Variants in SATB1 observed in about 807,000 individuals in gnomAD.
SATB1 encodes DNA-binding protein SATB1.
A neutral mutation model predicts 86.9 loss-of-function variants in SATB1; 11 were observed. The ratio of observed to expected loss-of-function variants is 0.13; its 90% CI spans 0.08 to 0.21. The LOEUF is 0.21. Among genes scored for constraint, SATB1 ranks in the 10% least tolerant of loss-of-function variants. SATB1 has a pLI of 1.00. For synonymous variants in SATB1, 357 were observed against 357.2 expected (o/e 1.00, Z 0.01); for missense variants, 551 against 937.6 (o/e 0.59, Z 5.39).
intron 2 of SATB1, chr3:18,417,729 T>C (rs1227166746): frequency 2.9e-6 from 2 of 692,604 alleles, no homozygotes; most frequent in Non-Finnish European, 2.6e-6. Flanking sequence ...AACATTTGCT[T>C]TTATGAATAC....
chr3:18,396,288 T>TA (rs202159712), intron 6 of SATB1, among the ~76,000 whole-genome samples: 6 of 151,408 alleles, frequency 4.0e-5, no homozygotes, highest in African/African-American at 1.2e-4. Flanking sequence ...CTTAAAAAAT[T>TA]AAAAAAAAAT....
chr3:18,411,260 A>ATG (rs1254648397), intron 5 of SATB1, among the ~76,000 whole-genome samples: 1 of 152,026 alleles, frequency 6.6e-6, no homozygotes, highest in African/African-American at 2.4e-5. Context: ...GAAAGTTGTG[A>ATG]TGTGTGTGTG....
rs1286885792 is a variant in SATB1 at position 18,416,143 on chromosome 3, A to T, written c.389-10T>A. 6.3e-7 allele frequency: 1 copy of T among 1,591,582 alleles called. No homozygotes were observed. On this transcript the variant is annotated splice_polypyrimidine_tract_variant and intron_variant, in intron 3 of 10. Coordinates refer to ENST00000338745, the MANE Select transcript of SATB1 (RefSeq NM_002971.6). ...CCAACCTGGATTAGCCCTATTTCAG[A>T]TAAAGAGAATATGTCACTAAATATT... is the stretch of plus-strand genomic sequence containing the variant.
chr3:18,426,118 G>A (rs1698691703), upstream of SATB1, among the ~76,000 whole-genome samples: 1 of 152,140 alleles, frequency 6.6e-6, no homozygotes, highest in African/African-American at 2.4e-5. This position sits in a 1 kb window ranked among gnomAD's most constrained non-coding sequence, Gnocchi z 4.2. Context: ...CCGGGGAAGC[G>A]CGGAGGGTGC....
intron 2 of SATB1, among the ~76,000 whole-genome samples, chr3:18,431,200 AT>A (rs1559465481): frequency 6.6e-6 from 1 of 152,020 alleles, no homozygotes; most frequent in Non-Finnish European, 1.5e-5. Flanking sequence ...AAGATGCCTC[AT>A]TTTTTTCCTG....
intron 9 of SATB1, among the ~76,000 whole-genome samples, chr3:18,366,336 T>G (rs985405304): frequency 3.3e-5 from 5 of 152,124 alleles, no homozygotes; most frequent in Middle Eastern, 3.4e-3. Context: ...CTCCCTAATC[T>G]CTTCCAAATC....
intron 9 of SATB1, among the ~76,000 whole-genome samples, chr3:18,354,721 A>G (rs1331089008): frequency 2.6e-5 from 4 of 152,154 alleles, no homozygotes; most frequent in East Asian, 1.9e-4. Flanking sequence ...TGTGAAAAAA[A>G]CATGTGGATC....
rs1247851126 is a variant in SATB1 at position 18,444,584 on chromosome 3, G to A, written c.-25+934C>T. ...ACAGCAAGAGTAGCAAGGGGAAAAGGGAGGCAAAAGAGCAGAACTCACTCA... is the reference window on the plus strand; with the variant it reads ...ACAGCAAGAGTAGCAAGGGGAAAAGAGAGGCAAAAGAGCAGAACTCACTCA... On this transcript the variant is annotated intron_variant, in intron 1 of 3. Transcript: ENST00000415069. This position sits in a 1 kb window ranked among gnomAD's most constrained non-coding sequence, Gnocchi z 5.1. The A allele has an allele frequency of 5.1e-6, 5 of 985,534 alleles. No homozygotes were observed. Among genetic ancestry groups the A allele is most frequent in the Admixed American group, 6.2e-5 (1 of 16,254 alleles). 61.0% of individuals were successfully genotyped at this position (985,534 alleles called of 1,614,324 possible).
chr3:18,397,043 T>C (rs1216632227), intron 6 of SATB1, 136 bp downstream of exon 6: 1 of 624,452 alleles, frequency 1.6e-6, no homozygotes, highest in Non-Finnish European at 2.9e-6. Flanking sequence ...CATACCCACT[T>C]CCCACCCCCA....
In SATB1 at chr3:18,386,491, T is replaced by C. The variant is rs777489205; in HGVS notation, c.1327A>G (p.Ile443Val). 3 of 1,614,152 alleles carry C rather than the reference T, an allele frequency of 1.9e-6. No individual in the cohort carries two copies. The Admixed American group carries it at 5.0e-5, about 27-fold the overall frequency. ...LQLPEAERDR[I>V]YQDERERSLN... The stretch of plus-strand genomic sequence containing the variant: ...CTCCTTTCCCTTTCGTCCTGGTATA[T>C]TCGGTCTCTTTCAGCTTCCGGTAAC... Residue 443 changes from isoleucine to valine, a missense_variant, in exon 8 of 11, where the codon ATA becomes GTA. Transcript: ENST00000338745. The surrounding 1 kb of genome is among the most constrained non-coding windows in gnomAD (Gnocchi z 4.5).
At chr3:18,413,765 C>T (rs1697985879) in intron 5 of SATB1, among the ~76,000 whole-genome samples, 1 of 152,002 alleles carries the variant, frequency 6.6e-6, no homozygotes, top group South Asian at 2.1e-4. Flanking sequence ...GGACACTTAA[C>T]AATACAGAGA....
At position 18,362,869 on chromosome 3, in the gene SATB1, A is replaced by AC. The variant is rs1405347623; in HGVS notation, c.1576-10675_1576-10674insG. Among the ~76,000 whole-genome samples the AC allele has an allele frequency of 8.2e-5, 12 of 146,220 alleles. 1 individual carries two copies. The highest frequency in any genetic ancestry group is 2.5e-4 in the African/African-American group (10 of 39,706). ...TCATATATGCCATGTGCAAAAAAAA[A>AC]AAAAAAAAAAAACCAAAACCCCAAA... On this transcript the variant is annotated intron_variant, in intron 9 of 10. Transcript: ENST00000338745.
intron 5 of SATB1, among the ~76,000 whole-genome samples, chr3:18,406,951 G>A (rs1697569934): frequency 6.6e-6 from 1 of 152,014 alleles, no homozygotes; most frequent in Non-Finnish European, 1.5e-5. Context: ...TTCCTACTGT[G>A]TGTCAGGATC....
chr3:18,380,025 A>G (rs761069458), intron 8 of SATB1, among the ~76,000 whole-genome samples: 1 of 152,204 alleles, frequency 6.6e-6, no homozygotes, highest in Non-Finnish European at 1.5e-5. Context: ...AGTTAACAAC[A>G]CATTACCATA....
chr3:18,445,215 C>G (rs1308138569), intron 1 of SATB1: 7 of 981,666 alleles, frequency 7.1e-6, no homozygotes, highest in Non-Finnish European at 8.5e-6. Flanking sequence ...CCCGGCTTCT[C>G]CCCCTGGCGG....
chr3:18,401,418 A>G (rs115756814), intron 5 of SATB1, among the ~76,000 whole-genome samples: 3 of 151,990 alleles, frequency 2.0e-5, no homozygotes, highest in Non-Finnish European at 4.4e-5. Flanking sequence ...TTCAAAATAC[A>G]TCCACACAGA....
upstream of SATB1, among the ~76,000 whole-genome samples, chr3:18,429,133 G>T (rs75667505): frequency 0.011 from 1,734 of 152,202 alleles, 26 homozygotes; most frequent in Non-Finnish European, 0.011. The surrounding 1 kb of genome is among the most constrained non-coding windows in gnomAD (Gnocchi z 4.1). Context: ...GCTGCAGGTG[G>T]TGTTTTCCAT....
intron 8 of SATB1, among the ~76,000 whole-genome samples, chr3:18,379,537 A>AT (rs964133846): frequency 4.6e-5 from 7 of 152,266 alleles, no homozygotes; most frequent in African/African-American, 1.4e-4. Flanking sequence ...TAAACAAATG[A>AT]TTTTTTTGGC....
chr3:18,370,515 CAAAAAA>C (rs11391230), intron 9 of SATB1, among the ~76,000 whole-genome samples: 43 of 49,452 alleles, frequency 8.7e-4, no homozygotes, highest in Admixed American at 3.0e-3. Flanking sequence ...CTGAGAGAGG[CAAAAAA>C]AAAAAAAAAA....
Sources: allele counts gnomAD v4.1 joint callset (sites outside exome capture counted in the v4.1 genomes callset), GRCh38; gene constraint gnomAD v4.1.1; non-coding constraint Gnocchi (gnomAD v3.1); transcripts MANE v1.5; gene names NCBI Gene and HGNC (gene_info 2026-07-23, HGNC 2026-07-21).